Variants in KDM3A observed in about 807,000 individuals in gnomAD.
KDM3A encodes lysine demethylase 3A.
Under a neutral mutation model 158.0 loss-of-function variants are expected in KDM3A, and 60 were observed. The ratio of observed to expected loss-of-function variants is 0.38; its 90% confidence interval spans 0.31 to 0.47. The LOEUF is 0.47. KDM3A is among the 20% of genes least tolerant of loss of function. The pLI is 0.99. For missense variants in KDM3A, 1,319 were observed against 1,574.3 expected (o/e 0.84, Z 2.74); for synonymous variants, 608 against 549.3 (o/e 1.11, Z -1.49).
intron 18 of KDM3A, chr2:86,483,362 T>A (rs1674031851): frequency 6.6e-6 from 1 of 152,430 alleles, no homozygotes; most frequent in African/African-American, 2.4e-5. Flanking sequence ...CAAAAATAAA[T>A]TTCCAAAATG....
At chr2:86,488,322 A>G (rs931709941) in intron 21 of KDM3A, 1 of 152,238 alleles carries the variant, frequency 6.6e-6, no homozygotes, top group Non-Finnish European at 1.5e-5. Context: ...ACCCAGTTAT[A>G]TAACAGCTTT....
At chr2:86,453,896 G>A (rs1225167530) in intron 4 of KDM3A, among the ~76,000 whole-genome samples, 2 of 152,156 alleles carry the variant, frequency 1.3e-5, no homozygotes, top group East Asian at 3.9e-4. Context: ...CCCTGATATT[G>A]GAAGGGCTTC....
intron 21 of KDM3A, among the ~76,000 whole-genome samples, chr2:86,486,513 T>TG (rs1479614878): frequency 6.6e-6 from 1 of 152,244 alleles, no homozygotes; most frequent in African/African-American, 2.4e-5. Flanking sequence ...TATGTATTGT[T>TG]GAATGCAGTT....
chr2:86,478,759 C>T (rs1311000908), intron 15 of KDM3A, 24 bp downstream of exon 15: 2 of 1,606,828 alleles, frequency 1.2e-6, no homozygotes, highest in African/African-American at 2.7e-5. Context: ...ATGTTAAATT[C>T]AACATCTCTT....
chr2:86,479,974 A>T, intron 15 of KDM3A, 193 bp from the exon 16 acceptor site: 1 of 592,730 alleles, frequency 1.7e-6, no homozygotes, highest in Non-Finnish European at 3.0e-6. Context: ...AGTTGCTGAC[A>T]TCTCTCCTAC....
chr2:86,465,580 A>T (rs1328288835), intron 9 of KDM3A, among the ~76,000 whole-genome samples: 1 of 151,554 alleles, frequency 6.6e-6, no homozygotes, highest in Non-Finnish European at 1.5e-5. Context: ...GCTAATTTTT[A>T]ATTTTTTTGT....
chr2:86,450,219 TATAG>T (rs1672385247), intron 3 of KDM3A, among the ~76,000 whole-genome samples: 1 of 152,220 alleles, frequency 6.6e-6, no homozygotes, highest in Non-Finnish European at 1.5e-5. Context: ...TATGCAAACA[TATAG>T]ATCTGTTTGG....
At chr2:86,445,883 A>G (rs1414900008) in intron 2 of KDM3A, among the ~76,000 whole-genome samples, 4 of 152,232 alleles carry the variant, frequency 2.6e-5, no homozygotes, top group Admixed American at 2.6e-4. Context: ...GGAGTAGTGA[A>G]TTAAGTGGTA....
upstream of KDM3A, among the ~76,000 whole-genome samples, chr2:86,439,652 A>G (rs1682576699): frequency 6.6e-6 from 1 of 152,058 alleles, no homozygotes; most frequent in Non-Finnish European, 1.5e-5. Context: ...TGAGTTGCAT[A>G]TTTCTGAGAT....
chr2:86,488,361 C>G (rs1347502546), intron 21 of KDM3A: 1 of 152,058 alleles, frequency 6.6e-6, no homozygotes, highest in East Asian at 1.9e-4. Flanking sequence ...GTTTCATTGT[C>G]TTCTCTCTTT....
upstream of KDM3A, among the ~76,000 whole-genome samples, chr2:86,438,207 G>T (rs2104607322): frequency 6.6e-6 from 1 of 152,076 alleles, no homozygotes; most frequent in South Asian, 2.1e-4. Flanking sequence ...TAAAATTTTT[G>T]GTGTATCTAT....
chr2:86,460,019 G>T (rs1020508135), intron 8 of KDM3A, among the ~76,000 whole-genome samples: 1 of 152,126 alleles, frequency 6.6e-6, no homozygotes, highest in Non-Finnish European at 1.5e-5. Context: ...AGAAGTTCTT[G>T]AAAATATTTT....
At chr2:86,438,216 A>G (rs575409205), upstream of KDM3A, among the ~76,000 whole-genome samples, 3 of 152,168 alleles carry the variant, frequency 2.0e-5, no homozygotes, top group African/African-American at 7.2e-5. Flanking sequence ...TGGTGTATCT[A>G]TTGAGATAAT....
intron 3 of KDM3A, among the ~76,000 whole-genome samples, 193 bp downstream of exon 3, chr2:86,450,155 G>T (rs981008149): frequency 6.6e-6 from 1 of 152,206 alleles, no homozygotes; most frequent in Admixed American, 6.5e-5. Context: ...TTGACAAATA[G>T]GGATGGAGGT....
At position 86,478,227 on chromosome 2, in the gene KDM3A, C is replaced by G; in HGVS notation, c.2150C>G (p.Pro717Arg). The G allele has an allele frequency of 6.2e-7, 1 of 1,613,838 alleles. No homozygotes were observed. Among genetic ancestry groups the G allele is most frequent in the Middle Eastern group, 1.7e-4 (1 of 6,058 alleles). ...TGTGTGAAGAGTCAGATACATGAACCAGAGAACTTAATGCCCACACAGATC... is the reference window on the plus strand; with the variant it reads ...TGTGTGAAGAGTCAGATACATGAACGAGAGAACTTAATGCCCACACAGATC... Reference protein sequence around the residue: ...LKCVKSQIHEPENLMPTQIIP... With the variant: ...LKCVKSQIHERENLMPTQIIP... The change falls in exon 14 of 26, where the codon CCA (proline) becomes CGA (arginine). Residue 717 changes from proline (P) to arginine (R), a missense_variant. Pro to Arg is a moderately radical substitution (Grantham distance 103). Coordinates refer to ENST00000312912, the MANE Select transcript of KDM3A (RefSeq NM_018433.6).
At chr2:86,473,628 C>T (rs955504701) in intron 11 of KDM3A, among the ~76,000 whole-genome samples, 9 of 152,066 alleles carry the variant, frequency 5.9e-5, no homozygotes, top group African/African-American at 2.2e-4. Context: ...CACATGCCTG[C>T]CTTCCCAGCC....
At chr2:86,473,910 C>T (rs1346723155) in intron 11 of KDM3A, among the ~76,000 whole-genome samples, 1 of 152,234 alleles carries the variant, frequency 6.6e-6, no homozygotes, top group African/African-American at 2.4e-5. Context: ...ATGCTTCCCT[C>T]TTTCCAGAAG....
At position 86,491,246 on chromosome 2, in the gene KDM3A, A is replaced by G. The variant is rs1177542388; in HGVS notation, c.3856A>G (p.Thr1286Ala). ...TCAGGAATTCCGATATCTGTCACAG[A>G]CTCATACCAATCACGAAGATAAATT... ...LTQEFRYLSQ[T>A]HTNHEDKLQV... Residue 1286 changes from threonine to alanine, a missense_variant, in exon 25 of 26, where the codon ACT becomes GCT. By Grantham distance (58) the Thr-to-Ala change is moderately conservative. Around this residue, in one of 4 missense-constraint regions of KDM3A, gnomAD observed 186 missense variants for 340.9 expected, o/e 0.55. Coordinates refer to ENST00000312912, the MANE Select transcript of KDM3A (RefSeq NM_018433.6). 1 of 1,613,812 alleles carries G rather than the reference A, an allele frequency of 6.2e-7. No homozygotes were observed.
At chr2:86,444,685 G>A (rs1682883655) in intron 2 of KDM3A, among the ~76,000 whole-genome samples, 1 of 152,044 alleles carries the variant, frequency 6.6e-6, no homozygotes, top group Non-Finnish European at 1.5e-5. Flanking sequence ...GGGCTGAGAT[G>A]AATGTCAATA....
Sources: gnomAD v4.1 joint callset for allele counts (sites outside exome capture counted in the v4.1 genomes callset) on GRCh38, gnomAD v4.1.1 for gene constraint, gnomAD v4.1.1 regional missense constraint, MANE v1.5 for transcripts, NCBI Gene and HGNC (gene_info 2026-07-23, HGNC 2026-07-21) for gene names.